Variants in DTNB observed in about 807,000 individuals in gnomAD.
DTNB encodes DTN-B.
A neutral mutation model predicts 90.7 loss-of-function variants in DTNB; 63 were observed. The ratio of observed to expected loss-of-function variants is 0.69; its 90% CI spans 0.57 to 0.86. The LOEUF is 0.86. DTNB is among the 40% of genes least tolerant of loss of function. The probability of loss-of-function intolerance (pLI) is 0.00; values close to 1 mark genes in which losing one functional copy is unlikely to be tolerated. For missense variants in DTNB, 744 were observed against 807.1 expected (o/e 0.92, Z 0.95); for synonymous variants, 277 against 286.7 (o/e 0.97, Z 0.34).
intron 10 of DTNB, among the ~76,000 whole-genome samples, chr2:25,481,140 C>T (rs924730370): frequency 1.3e-5 from 2 of 151,632 alleles, no homozygotes; most frequent in East Asian, 1.9e-4. Flanking sequence ...GGCTCGTGCC[C>T]GTAATCCAGC....
At chr2:25,420,462 AAATC>A (rs1281138713) in intron 15 of DTNB, among the ~76,000 whole-genome samples, 59 of 145,724 alleles carry the variant, frequency 4.0e-4, no homozygotes, top group Middle Eastern at 3.5e-3. Flanking sequence ...TCTGTCATCT[AAATC>A]AATCTATCTA....
intron 10 of DTNB, among the ~76,000 whole-genome samples, chr2:25,482,511 T>C (rs140229465): frequency 0.011 from 1,735 of 152,232 alleles, 34 homozygotes; most frequent in African/African-American, 0.04. Context: ...ATCTGAAACG[T>C]GCCTAATCTG....
chr2:25,496,099 G>C (rs1458019449), intron 9 of DTNB, among the ~76,000 whole-genome samples: 1 of 152,158 alleles, frequency 6.6e-6, no homozygotes, highest in Non-Finnish European at 1.5e-5. Flanking sequence ...TCTAGCTCTA[G>C]AAAGGGACAG....
At chr2:25,662,563 T>C (rs1006123314) in intron 1 of DTNB, among the ~76,000 whole-genome samples, 4 of 152,042 alleles carry the variant, frequency 2.6e-5, no homozygotes, top group African/African-American at 9.7e-5. Flanking sequence ...TGCAAGCCCA[T>C]GGCTGAGGGG....
At chr2:25,452,871 T>A (rs2059485546) in intron 11 of DTNB, among the ~76,000 whole-genome samples, 1 of 152,082 alleles carries the variant, frequency 6.6e-6, no homozygotes, top group South Asian at 2.1e-4. Flanking sequence ...ATTTTAAGCA[T>A]GCAAATATCC....
chr2:25,547,394 G>A (rs1444619687), intron 8 of DTNB, among the ~76,000 whole-genome samples: 3 of 146,024 alleles, frequency 2.1e-5, no homozygotes, highest in African/African-American at 7.7e-5. Flanking sequence ...GCACAATCTC[G>A]GCTCACTGCA....
chr2:25,640,673 G>A (rs966539562), intron 2 of DTNB, among the ~76,000 whole-genome samples: 11 of 152,102 alleles, frequency 7.2e-5, no homozygotes, highest in African/African-American at 2.2e-4. Context: ...ACTTTGGGGG[G>A]CTGAGGTAGG....
chr2:25,462,125 C>T (rs138709429), intron 10 of DTNB, among the ~76,000 whole-genome samples: 32 of 152,270 alleles, frequency 2.1e-4, no homozygotes, highest in Non-Finnish European at 3.8e-4. Context: ...AATCGGGGAA[C>T]GCAGCCTGGG....
intron 9 of DTNB, among the ~76,000 whole-genome samples, chr2:25,486,080 C>T (rs968017033): frequency 6.6e-6 from 1 of 150,774 alleles, no homozygotes; most frequent in Non-Finnish European, 1.5e-5. Flanking sequence ...CAAGATCACG[C>T]CACTGCACTC....
At chr2:25,631,513 C>A (rs1316998769) in intron 3 of DTNB, among the ~76,000 whole-genome samples, 2 of 150,382 alleles carry the variant, frequency 1.3e-5, no homozygotes, top group Non-Finnish European at 3.0e-5. Flanking sequence ...TTGAAGGCTG[C>A]ATTTAGCTAT....
At chr2:25,543,025 AG>A (rs1038493036) in intron 8 of DTNB, among the ~76,000 whole-genome samples, 12 of 152,174 alleles carry the variant, frequency 7.9e-5, no homozygotes, top group African/African-American at 2.9e-4. Flanking sequence ...ATATATCTGT[AG>A]AATTGTTAAT....
At chr2:25,512,725 G>A (rs940089159) in intron 9 of DTNB, among the ~76,000 whole-genome samples, 2 of 152,208 alleles carry the variant, frequency 1.3e-5, no homozygotes, top group Admixed American at 6.5e-5. Context: ...TAGAAAACCT[G>A]TAAATCTGAA....
At chr2:25,525,176 C>T (rs1017052698) in intron 9 of DTNB, among the ~76,000 whole-genome samples, 22 of 152,082 alleles carry the variant, frequency 1.4e-4, no homozygotes, top group African/African-American at 5.1e-4. Flanking sequence ...ACAGTTTTAA[C>T]ATATCTGATT....
intron 9 of DTNB, among the ~76,000 whole-genome samples, chr2:25,524,006 ATT>A (rs2076638416): frequency 6.6e-6 from 1 of 151,490 alleles, no homozygotes; most frequent in Non-Finnish European, 1.5e-5. Flanking sequence ...GGTTCAAGCA[ATT>A]CTCCTGCCTC....
At chr2:25,632,172 C>A (rs2075890814) in intron 3 of DTNB, among the ~76,000 whole-genome samples, 1 of 128,742 alleles carries the variant, frequency 7.8e-6, no homozygotes, top group Non-Finnish European at 1.6e-5. Flanking sequence ...CAGCCTGGGC[C>A]ACAGAACGTG....
At chr2:25,546,934 T>A (rs1301214497) in intron 8 of DTNB, among the ~76,000 whole-genome samples, 1 of 151,934 alleles carries the variant, frequency 6.6e-6, no homozygotes, top group Non-Finnish European at 1.5e-5. Flanking sequence ...ATAGCCTTGA[T>A]CTCTTGGCCT....
intron 12 of DTNB, among the ~76,000 whole-genome samples, chr2:25,438,068 A>G (rs2056416009): frequency 6.6e-6 from 1 of 152,154 alleles, no homozygotes; most frequent in Non-Finnish European, 1.5e-5. Context: ...GGTCTGAGGG[A>G]AGGCCTGCTG....
intron 9 of DTNB, among the ~76,000 whole-genome samples, chr2:25,505,263 C>T (rs1008210705): frequency 6.6e-6 from 1 of 152,190 alleles, no homozygotes; most frequent in Non-Finnish European, 1.5e-5. Context: ...AGCCTCTCCA[C>T]TCAAGGCCTC....
chr2:25,559,929 A>G (rs1227651047), intron 8 of DTNB, among the ~76,000 whole-genome samples: 1 of 152,226 alleles, frequency 6.6e-6, no homozygotes, highest in Non-Finnish European at 1.5e-5. Context: ...GGAAGAGGGA[A>G]AGAACAGTGT....
Sources: allele counts gnomAD v4.1 joint callset (sites outside exome capture counted in the v4.1 genomes callset), GRCh38; gene constraint gnomAD v4.1.1; transcripts MANE v1.5; gene names NCBI Gene and HGNC (gene_info 2026-07-23, HGNC 2026-07-21).